GPD2: variants seen among roughly 807,000 people sequenced by gnomAD.
GPD2 encodes glycerol-3-phosphate dehydrogenase, mitochondrial.
GPD2 carries 54 observed loss-of-function variants against 82.4 expected under a neutral mutation model. The ratio of observed to expected loss-of-function variants is 0.66; its 90% CI spans 0.53 to 0.82. GPD2 has a LOEUF of 0.82. Among genes scored for constraint, GPD2 ranks in the 40% least tolerant of loss-of-function variants. The pLI is 0.00. For synonymous variants in GPD2, 288 were observed against 306.1 expected (o/e 0.94, Z 0.62); for missense variants, 748 against 896.2 (o/e 0.83, Z 2.11).
chr2:156,513,355 T>G lies in GPD2; in HGVS notation c.520T>G (p.Trp174Gly). 6.2e-7 allele frequency: 1 copy of G among 1,611,696 alleles called. No homozygotes were observed. Among genetic ancestry groups the G allele is most frequent in the Non-Finnish European group, 8.5e-7 (1 of 1,179,098 alleles). Residue 174 changes from tryptophan to glycine, a missense_variant, in exon 6 of 17, where the codon TGG becomes GGG. Transcript: ENST00000438166. ...VYKWWQLPYYWVGIKLYDLVA... is the reference protein window; with the variant it reads ...VYKWWQLPYYGVGIKLYDLVA... ...TAGGTGGTGGCAGTTACCTTACTAC[T>G]GGGTAGGAATCAAGCTGTATGATTT...
chr2:156,456,939 A>T (rs1682808828), intron 1 of GPD2, among the ~76,000 whole-genome samples: 1 of 152,162 alleles, frequency 6.6e-6, no homozygotes, highest in Non-Finnish European at 1.5e-5. Context: ...GGCACTTGAG[A>T]TGGGATCACT....
At chr2:156,532,264 C>G (rs967690338) in intron 6 of GPD2, among the ~76,000 whole-genome samples, 3 of 152,340 alleles carry the variant, frequency 2.0e-5, no homozygotes, top group African/African-American at 7.2e-5. Flanking sequence ...ACCTTGGCCT[C>G]CCAAAGTGCT....
chr2:156,402,639 C>A, the GPD2 span, among the ~76,000 whole-genome samples: 1 of 152,114 alleles, frequency 6.6e-6, no homozygotes, highest in African/African-American at 2.4e-5. Flanking sequence ...CACCACCATG[C>A]ATGGCTAATT....
upstream of GPD2, among the ~76,000 whole-genome samples, chr2:156,434,292 T>G (rs749638371): frequency 6.6e-6 from 1 of 151,956 alleles, no homozygotes; most frequent in Non-Finnish European, 1.5e-5. Flanking sequence ...TTAGTAGAGA[T>G]AGGGTTTCAC....
chr2:156,422,270 T>C, the GPD2 span, among the ~76,000 whole-genome samples: 1 of 152,172 alleles, frequency 6.6e-6, no homozygotes, highest in Non-Finnish European at 1.5e-5. Flanking sequence ...TCAAATCTTG[T>C]CATGATGTTG....
At chr2:156,496,998 G>A (rs1177824324) in intron 3 of GPD2, among the ~76,000 whole-genome samples, 6 of 152,120 alleles carry the variant, frequency 3.9e-5, no homozygotes, top group African/African-American at 1.4e-4. Flanking sequence ...AAATGGAAAC[G>A]AGACATGTAA....
chr2:156,540,334 G>A (rs984226876), intron 6 of GPD2, among the ~76,000 whole-genome samples: 4 of 152,148 alleles, frequency 2.6e-5, no homozygotes, highest in South Asian at 4.1e-4. Context: ...CCTCTAGATC[G>A]AAGACTGTTG....
intron 1 of GPD2, among the ~76,000 whole-genome samples, chr2:156,459,662 T>TG (rs1179151350): frequency 9.6e-6 from 1 of 104,638 alleles, no homozygotes. Flanking sequence ...CATTCTAGCC[T>TG]GGCGACAGAG....
the GPD2 span, among the ~76,000 whole-genome samples, chr2:156,423,151 G>C: frequency 2.6e-5 from 4 of 152,312 alleles, no homozygotes; most frequent in East Asian, 7.7e-4. Flanking sequence ...CATAAAGGTA[G>C]TAAGTGACAA....
intron 3 of GPD2, among the ~76,000 whole-genome samples, chr2:156,509,745 CT>C (rs953253569): frequency 8.8e-5 from 13 of 148,374 alleles, no homozygotes; most frequent in African/African-American, 2.5e-4. Flanking sequence ...TCAGCCTTTC[CT>C]TATCAAGAAT....
intron 8 of GPD2, among the ~76,000 whole-genome samples, chr2:156,553,097 C>T (rs1451166333): frequency 6.6e-6 from 1 of 151,880 alleles, no homozygotes; most frequent in Non-Finnish European, 1.5e-5. Flanking sequence ...CCATGTTGGC[C>T]AGGCTGGTAT....
At chr2:156,482,251 G>A (rs1683759501) in intron 2 of GPD2, among the ~76,000 whole-genome samples, 1 of 152,182 alleles carries the variant, frequency 6.6e-6, no homozygotes, top group African/African-American at 2.4e-5. Flanking sequence ...AAAGACAGGT[G>A]TACCAACACT....
intron 6 of GPD2, among the ~76,000 whole-genome samples, chr2:156,538,108 A>G (rs1316733587): frequency 1.3e-5 from 2 of 152,226 alleles, no homozygotes; most frequent in Admixed American, 1.3e-4. Flanking sequence ...GAGACATCAG[A>G]TATTCTACTA....
intron 1 of GPD2, among the ~76,000 whole-genome samples, chr2:156,446,055 G>T (rs1196553375): frequency 6.6e-6 from 1 of 152,134 alleles, no homozygotes; most frequent in Non-Finnish European, 1.5e-5. Context: ...GCCAGCCAGT[G>T]GATGGTGAAA....
intron 1 of GPD2, among the ~76,000 whole-genome samples, chr2:156,443,869 C>A (rs1241804622): frequency 2.0e-5 from 3 of 152,168 alleles, no homozygotes; most frequent in Non-Finnish European, 4.4e-5. Flanking sequence ...GAATTCCTAA[C>A]AAGATGACTT....
At chr2:156,505,130 T>A (rs1684737881) in intron 3 of GPD2, among the ~76,000 whole-genome samples, 1 of 152,168 alleles carries the variant, frequency 6.6e-6, no homozygotes, top group Non-Finnish European at 1.5e-5. Flanking sequence ...ATCCAACTGT[T>A]TTGATCCATG....
chr2:156,530,970 G>A (rs1224821889), intron 6 of GPD2, among the ~76,000 whole-genome samples: 1 of 152,100 alleles, frequency 6.6e-6, no homozygotes, highest in African/African-American at 2.4e-5. Context: ...GGGAGTGTGG[G>A]CATGCACCAC....
Position 156,541,922 on chromosome 2 carries a change from T to TTTTTGTACA in GPD2, c.662-7685_662-7677dup, listed in dbSNP as rs562163093. On this transcript the variant is annotated intron_variant, in intron 6 of 16. Coordinates refer to ENST00000438166, the MANE Select transcript of GPD2 (RefSeq NM_000408.5). Reference sequence around the variant, plus strand: ...TTATTGTAAACTAATGTGTGGAACATTTTTGTACAGAAATAGCTAATGAAT... The same window carrying TTTTTGTACA: ...TTATTGTAAACTAATGTGTGGAACATTTTTGTACATTTTGTACAGAAATAGCTAATGAAT... 3.1e-4 allele frequency among the ~76,000 whole-genome samples: 43 copies of TTTTTGTACA among 138,582 alleles called. No homozygotes were observed. In the East Asian group the frequency reaches 8.2e-3, roughly 26 times the overall value. The allele number at this position is 138,582 out of a possible 152,430, so 90.9% of individuals were successfully genotyped here. A position where few individuals can be genotyped will look rare whatever the true frequency, so the allele number is the denominator to read the frequency against.
At chr2:156,519,715 T>G (rs1685326289) in intron 6 of GPD2, among the ~76,000 whole-genome samples, 1 of 152,234 alleles carries the variant, frequency 6.6e-6, no homozygotes, top group Non-Finnish European at 1.5e-5. Context: ...TTCGTGGGAC[T>G]TGCGACAGGG....
Sources: gnomAD v4.1 joint callset for allele counts (sites outside exome capture counted in the v4.1 genomes callset) on GRCh38, gnomAD v4.1.1 for gene constraint, MANE v1.5 for transcripts, NCBI Gene and HGNC (gene_info 2026-07-23, HGNC 2026-07-21) for gene names.